The following TNFRSF17 variants were observed in gnomAD, a reference collection of about 807,000 sequenced individuals.
TNFRSF17 encodes tumor necrosis factor receptor superfamily member 17.
Under a neutral mutation model 9.9 loss-of-function variants are expected in TNFRSF17, and 13 were observed. The observed-to-expected ratio is 1.31, with a 90% CI of 0.85 to 2.08. The LOEUF (loss-of-function observed/expected upper bound fraction) is 2.08, where lower values mean the gene tolerates loss of function less well. Ranked by LOEUF, TNFRSF17 falls within the 30% of genes most tolerant of loss-of-function variation. The pLI is 0.00. For synonymous variants in TNFRSF17, 99 were observed against 83.7 expected, an observed-to-expected ratio of 1.18 and a Z score of -1.00; for missense variants, 305 against 225.8, an observed-to-expected ratio of 1.35 and a Z score of -2.25.
Position 11,965,228 on chromosome 16 carries a change from G to T in TNFRSF17, c.-97G>T, listed in dbSNP as rs933856654. 6.6e-7 allele frequency: 1 copy of T among 1,516,582 alleles called. No homozygotes were observed. The allele number at this position is 1,516,582 out of a possible 1,614,324, so 93.9% of individuals were successfully genotyped here. On this transcript the variant is annotated 5_prime_UTR_variant, in exon 1 of 3. Coordinates refer to ENST00000053243, the MANE Select transcript of TNFRSF17 (RefSeq NM_001192.3). Reference sequence around the variant, plus strand: ...GAAGTTCATTGTTCTCAACATTCTAGCTGCTCTTGCTGCATTTGCTCTGGA... The same window carrying T: ...GAAGTTCATTGTTCTCAACATTCTATCTGCTCTTGCTGCATTTGCTCTGGA...
rs772859510 is a variant in TNFRSF17, at chr16:11,966,314, C to G, written c.250C>G (p.Pro84Ala). 1 of 1,613,156 alleles carries G rather than the reference C, an allele frequency of 6.2e-7. No individual in the cohort carries two copies. Among genetic ancestry groups the G allele is most frequent in the South Asian group, 1.1e-5 (1 of 90,754 alleles). The stretch of plus-strand genomic sequence containing the variant: ...TTTGCTAAGGAAGATAAACTCTGAA[C>G]CATTAAAGGACGAGTTTAAAAACAC... ...MFLLRKINSE[P>A]LKDEFKNTGS... Residue 84 changes from proline (P) to alanine (A), a missense_variant, in exon 2 of 3, where the codon CCA (proline) becomes GCA (alanine). Physicochemically the swap from Pro to Ala is conservative, Grantham distance 27. Coordinates refer to ENST00000053243, the MANE Select transcript of TNFRSF17 (RefSeq NM_001192.3).
intron 1 of TNFRSF17, 67 bp from the exon 2 acceptor site, chr16:11,966,128 A>G: frequency 1.4e-6 from 2 of 1,438,610 alleles, no homozygotes; most frequent in Non-Finnish European, 1.9e-6. Context: ...ATAAATAAAT[A>G]ATAACAATAA....
At chr16:11,965,590 G>T (rs1173970240) in intron 1 of TNFRSF17, 136 bp downstream of exon 1, 1 of 894,686 alleles carries the variant, frequency 1.1e-6, no homozygotes, top group Non-Finnish European at 1.7e-6. Context: ...GCAAGGCAGT[G>T]ATTTTAATGT....
At position 11,967,984 on chromosome 16, in the gene TNFRSF17, G is replaced by A. The variant is rs2055209423; in HGVS notation, c.*137G>A. 2.1e-6 allele frequency: 2 copies of A among 956,902 alleles called. No individual in the cohort carries two copies. The highest frequency in any genetic ancestry group is 5.8e-5 in the Admixed American group (2 of 34,276). The allele number at this position is 956,902 out of a possible 1,614,324, so 59.3% of individuals were successfully genotyped here. Reference sequence around the variant, plus strand: ...TCCTCTAACTGTGGAAACTCTTTATGTTAGATATATTTCTCTAGGTTACTG... The same window carrying A: ...TCCTCTAACTGTGGAAACTCTTTATATTAGATATATTTCTCTAGGTTACTG... On this transcript the variant is annotated 3_prime_UTR_variant, in exon 3 of 3. Coordinates refer to ENST00000053243, the MANE Select transcript of TNFRSF17 (RefSeq NM_001192.3).
chr16:11,967,491 C>A, intron 2 of TNFRSF17, 79 bp from the exon 3 acceptor site: 1 of 1,401,312 alleles, frequency 7.1e-7, no homozygotes, highest in South Asian at 1.3e-5. Context: ...TGCTTTGAGT[C>A]CCGATGTGTA....
intron 2 of TNFRSF17, among the ~76,000 whole-genome samples, chr16:11,966,593 T>C (rs2055196149): frequency 6.6e-6 from 1 of 152,216 alleles, no homozygotes; most frequent in African/African-American, 2.4e-5. Flanking sequence ...TTGAAAGTAC[T>C]AAGGCTTTCT....
chr16:11,966,219 C>A lies in TNFRSF17; in HGVS notation c.155C>A (p.Thr52Lys), dbSNP rs140266790. 1.2e-6 allele frequency: 2 copies of A among 1,613,508 alleles called. No individual in the cohort carries two copies. Among genetic ancestry groups the A allele is most frequent in the Non-Finnish European group, 1.7e-6 (2 of 1,179,724 alleles). The change falls in exon 2 of 3, where the codon ACG becomes AAG. Residue 52 changes from threonine (T) to lysine (K), a missense_variant. Transcript: ENST00000053243. ...GGTGTGACCAATTCAGTGAAAGGAA[C>A]GAATGCGATTCTCTGGACCTGTTTG... ...NASVTNSVKG[T>K]NAILWTCLGL...
In TNFRSF17 at chr16:11,967,835, T is replaced by C; in HGVS notation, c.543T>C (p.Ile181=). Residue 181 remains isoleucine, a synonymous_variant, in exon 3 of 3, where the codon ATT becomes ATC. Coordinates refer to ENST00000053243, the MANE Select transcript of TNFRSF17 (RefSeq NM_001192.3). The part of the protein sequence containing the change: ...ALSATEIEKS[I]SAR ...GTGCTACGGAGATAGAGAAATCAAT[T>C]TCTGCTAGGTAATTAACCATTTCGA... The C allele has an allele frequency of 6.2e-7, 1 of 1,613,614 alleles. No homozygotes were observed. The highest frequency in any genetic ancestry group is 8.5e-7 in the Non-Finnish European group (1 of 1,179,714).
chr16:11,967,897 T>G lies in TNFRSF17; in HGVS notation c.*50T>G. On this transcript the variant is annotated 3_prime_UTR_variant, in exon 3 of 3. Transcript: ENST00000053243. ...CCACTTTAAAAATCTTTTGTCAGAA[T>G]AGATGATGTGTCAGATCTCTTTAGG... 1.9e-6 allele frequency: 3 copies of G among 1,583,566 alleles called. No individual in the cohort carries two copies. Among genetic ancestry groups the G allele is most frequent in the Non-Finnish European group, 2.6e-6 (3 of 1,163,268 alleles).
At chr16:11,967,498 T>C in intron 2 of TNFRSF17, 72 bp from the exon 3 acceptor site, 2 of 1,455,256 alleles carry the variant, frequency 1.4e-6, no homozygotes, top group Admixed American at 2.0e-5. Flanking sequence ...AGTCCCGATG[T>C]GTACTGCTAA....
Position 11,965,269 on chromosome 16 carries a change from T to C in TNFRSF17, c.-56T>C, listed in dbSNP as rs1252170158. 5 of 1,609,076 alleles carry C rather than the reference T, an allele frequency of 3.1e-6. No individual in the cohort carries two copies. The highest frequency in any genetic ancestry group is 1.1e-5 in the South Asian group (1 of 90,568). On this transcript the variant is annotated 5_prime_UTR_variant, in exon 1 of 3. Coordinates refer to ENST00000053243, the MANE Select transcript of TNFRSF17 (RefSeq NM_001192.3). ...TTGCTCTGGAATTCTTGTAGAGATATTACTTGTCCTTCCAGGCTGTTCTTT... is the reference window on the plus strand; with the variant it reads ...TTGCTCTGGAATTCTTGTAGAGATACTACTTGTCCTTCCAGGCTGTTCTTT...
chr16:11,966,304 A>G lies in TNFRSF17; in HGVS notation c.240A>G (p.Ile80Met). 1 of 1,613,802 alleles carries G rather than the reference A, an allele frequency of 6.2e-7. No individual in the cohort carries two copies. The highest frequency in any genetic ancestry group is 1.7e-5 in the Admixed American group (1 of 59,960). Residue 80 changes from isoleucine to methionine, a missense_variant, in exon 2 of 3, where the codon ATA (isoleucine) becomes ATG (methionine). Coordinates refer to ENST00000053243, the MANE Select transcript of TNFRSF17 (RefSeq NM_001192.3). ...VFVLMFLLRK[I>M]NSEPLKDEFK... Reference sequence around the variant, plus strand: ...TGCTAATGTTTTTGCTAAGGAAGATAAACTCTGAACCATTAAAGGACGAGT... The same window carrying G: ...TGCTAATGTTTTTGCTAAGGAAGATGAACTCTGAACCATTAAAGGACGAGT...
At position 11,967,623 on chromosome 16, in the gene TNFRSF17, G is replaced by T; in HGVS notation, c.331G>T (p.Asp111Tyr). ...TGACCTGGAAAAGAGCAGGACTGGTGATGAAATTATTCTTCCGAGAGGCCT... is the reference window on the plus strand; with the variant it reads ...TGACCTGGAAAAGAGCAGGACTGGTTATGAAATTATTCTTCCGAGAGGCCT... ...NIDLEKSRTGDEIILPRGLEY... is the reference protein window; with the variant it reads ...NIDLEKSRTGYEIILPRGLEY... Residue 111 changes from aspartate to tyrosine, a missense_variant, in exon 3 of 3, where the codon GAT becomes TAT. Asp to Tyr is a radical substitution (Grantham distance 160). Transcript: ENST00000053243. The T allele has an allele frequency of 6.2e-7, 1 of 1,614,222 alleles. No individual in the cohort carries two copies. The highest frequency in any genetic ancestry group is 8.5e-7 in the Non-Finnish European group (1 of 1,180,034).
At position 11,965,229 on chromosome 16, in the gene TNFRSF17, C is replaced by T. The variant is rs1050879155; in HGVS notation, c.-96C>T. ...AAGTTCATTGTTCTCAACATTCTAG[C>T]TGCTCTTGCTGCATTTGCTCTGGAA... On this transcript the variant is annotated 5_prime_UTR_variant, in exon 1 of 3. Transcript: ENST00000053243. 6.6e-7 allele frequency: 1 copy of T among 1,517,386 alleles called. No homozygotes were observed. Among genetic ancestry groups the T allele is most frequent in the South Asian group, 1.2e-5 (1 of 82,178 alleles). The allele number at this position is 1,517,386 out of a possible 1,614,324, so 94.0% of individuals were successfully genotyped here.
At chr16:11,965,604 T>C (rs905316596) in intron 1 of TNFRSF17, 150 bp downstream of exon 1, 6 of 817,466 alleles carry the variant, frequency 7.3e-6, no homozygotes, top group African/African-American at 5.2e-5. Flanking sequence ...TTAATGTTTA[T>C]GGAAACAAAG....
At chr16:11,967,225 C>T (rs1318540474) in intron 2 of TNFRSF17, 5 of 228,834 alleles carry the variant, frequency 2.2e-5, no homozygotes, top group Non-Finnish European at 4.4e-5. Flanking sequence ...TGGTCTCAAG[C>T]TCCTGACCAC....
Position 11,966,180 on chromosome 16 carries a change from G to A in TNFRSF17, c.131-15G>A, listed in dbSNP as rs1303825062. On this transcript the variant is annotated splice_polypyrimidine_tract_variant and intron_variant, in intron 1 of 2. Transcript: ENST00000053243. ...GTTATCAGCTCATTATCTGTCTGATGTTCTTTTCATAAAGGTGTGACCAAT... is the reference window on the plus strand; with the variant it reads ...GTTATCAGCTCATTATCTGTCTGATATTCTTTTCATAAAGGTGTGACCAAT... 1.9e-6 allele frequency: 3 copies of A among 1,602,888 alleles called. No individual in the cohort carries two copies. The highest frequency in any genetic ancestry group is 3.4e-5 in the Admixed American group (2 of 58,548).
rs1475885235 is a variant in TNFRSF17 at position 11,965,442 on chromosome 16, T to G, written c.118T>G (p.Tyr40Asp). 1 of 1,614,184 alleles carries G rather than the reference T, an allele frequency of 6.2e-7. No homozygotes were observed. Among genetic ancestry groups the G allele is most frequent in the South Asian group, 1.1e-5 (1 of 91,078 alleles). Residue 40 changes from tyrosine to aspartate, a missense_variant, in exon 1 of 3, where the codon TAT becomes GAT. By Grantham distance (160) the Tyr-to-Asp change is radical. Coordinates refer to ENST00000053243, the MANE Select transcript of TNFRSF17 (RefSeq NM_001192.3). ...TACTCCTCCTCTAACATGTCAGCGT[T>G]ATTGTAATGCAAGTAAGTAATATTG... ...SNTPPLTCQR[Y>D]CNASVTNSVK...
Position 11,966,178 on chromosome 16 carries a change from A to C in TNFRSF17, c.131-17A>C, listed in dbSNP as rs11570145. 647 of 1,601,916 alleles carry C rather than the reference A, an allele frequency of 4.0e-4. 1 individual carries two copies. The highest frequency in any genetic ancestry group is 5.2e-4 in the Non-Finnish European group (605 of 1,172,602). On this transcript the variant is annotated splice_polypyrimidine_tract_variant and intron_variant, in intron 1 of 2. Transcript: ENST00000053243. ...ATGTTATCAGCTCATTATCTGTCTG[A>C]TGTTCTTTTCATAAAGGTGTGACCA...
Sources: allele counts gnomAD v4.1 joint callset (sites outside exome capture counted in the v4.1 genomes callset), GRCh38; gene constraint gnomAD v4.1.1; transcripts MANE v1.5; gene names NCBI Gene and HGNC (gene_info 2026-07-23, HGNC 2026-07-21).